UNC5C: variants seen among roughly 807,000 people sequenced by gnomAD.
The protein encoded by UNC5C is netrin receptor UNC5C.
In UNC5C, 47 loss-of-function variants were observed where a neutral mutation model predicts 99.8. The observed-to-expected ratio is 0.47, with a 90% CI of 0.37 to 0.60. The LOEUF (loss-of-function observed/expected upper bound fraction) is 0.60. Ranked by LOEUF, UNC5C falls within the 20% of genes least tolerant of loss-of-function variation. UNC5C has a pLI of 0.00. For synonymous variants in UNC5C, 487 were observed against 452.2 expected, an observed-to-expected ratio of 1.08 and a Z score of -0.98; for missense variants, 1,062 against 1,165.9, an observed-to-expected ratio of 0.91 and a Z score of 1.30.
chr4:95,414,428 T>C (rs537961394), intron 1 of UNC5C, among the ~76,000 whole-genome samples: 1 of 152,358 alleles, frequency 6.6e-6, no homozygotes, highest in East Asian at 1.9e-4. Context: ...CGGGTGGCTT[T>C]CCTGTGAAGC....
chr4:95,468,939 G>A (rs1747882234), intron 1 of UNC5C, among the ~76,000 whole-genome samples: 1 of 152,144 alleles, frequency 6.6e-6, no homozygotes, highest in South Asian at 2.1e-4. Context: ...TTCACAAAAG[G>A]GGTTCTCTTT....
At chr4:95,336,642 A>G (rs1743360484) in intron 1 of UNC5C, among the ~76,000 whole-genome samples, 1 of 151,854 alleles carries the variant, frequency 6.6e-6, no homozygotes, top group Non-Finnish European at 1.5e-5. Context: ...CTGGCTTGGA[A>G]CTTTTTTCAT....
At chr4:95,240,756 A>G (rs540528412) in intron 7 of UNC5C, among the ~76,000 whole-genome samples, 2 of 152,350 alleles carry the variant, frequency 1.3e-5, no homozygotes, top group African/African-American at 4.8e-5. Flanking sequence ...AAAAAATTCT[A>G]TGAATGCCTA....
At chr4:95,327,987 A>G (rs1742955539) in intron 2 of UNC5C, among the ~76,000 whole-genome samples, 1 of 146,650 alleles carries the variant, frequency 6.8e-6, no homozygotes, top group African/African-American at 2.5e-5. Context: ...CTAAAATAGC[A>G]TTGTTTATAA....
rs1226469728 is a variant in UNC5C, at chr4:95,168,932, G to A, written c.*302C>T. ...ATATATCTGGATAGCAATAAAAAGC[G>A]TTTCCTAGGAAACTGTAAGATCCTG... On this transcript the variant is annotated 3_prime_UTR_variant, in exon 16 of 16. Coordinates refer to ENST00000453304, the MANE Select transcript of UNC5C (RefSeq NM_003728.4). The A allele has an allele frequency of 1.9e-5, 5 of 264,790 alleles. No individual in the cohort carries two copies. Among genetic ancestry groups the A allele is most frequent in the Admixed American group, 4.8e-5 (1 of 20,660 alleles). 16.4% of individuals were successfully genotyped at this position (264,790 alleles called of 1,614,324 possible).
At chr4:95,399,599 G>A (rs961860228) in intron 1 of UNC5C, among the ~76,000 whole-genome samples, 4 of 152,044 alleles carry the variant, frequency 2.6e-5, no homozygotes, top group Admixed American at 6.6e-5. Context: ...CATTTTCTCC[G>A]AAAGACCTAA....
chr4:95,432,605 G>A (rs1429800088), intron 1 of UNC5C, among the ~76,000 whole-genome samples: 1 of 152,046 alleles, frequency 6.6e-6, no homozygotes, highest in African/African-American at 2.4e-5. Flanking sequence ...ATTCACAGTG[G>A]TTGGTCAGAA....
At chr4:95,328,740 T>A (rs1201696870) in intron 2 of UNC5C, among the ~76,000 whole-genome samples, 1 of 151,720 alleles carries the variant, frequency 6.6e-6, no homozygotes, top group African/African-American at 2.4e-5. Context: ...GTTTCCTGAC[T>A]TTTTAATGAT....
chr4:95,335,612 T>C lies in UNC5C; in HGVS notation c.144A>G (p.Glu48=). The C allele has an allele frequency of 6.2e-7, 1 of 1,605,670 alleles. No homozygotes were observed. The highest frequency in any genetic ancestry group is 8.5e-7 in the Non-Finnish European group (1 of 1,176,776). The change falls in exon 2 of 16, where the codon GAA becomes GAG. Residue 48 remains glutamate (E), a synonymous_variant. Transcript: ENST00000453304. ...SAAQDDDFFH[E]LPETFPSDPP... ...GATCAGAAGGAAAAGTTTCTGGGAG[T>C]TCATGAAAAAAGTCATCATCTGAGA...
At chr4:95,530,299 G>A (rs563003038) in intron 1 of UNC5C, among the ~76,000 whole-genome samples, 75 of 152,240 alleles carry the variant, frequency 4.9e-4, no homozygotes, top group Non-Finnish European at 9.4e-4. Flanking sequence ...AGGAAAATAA[G>A]TATTTCCAAA....
In UNC5C at chr4:95,236,784, G is replaced by A. The variant is rs376401615; in HGVS notation, c.1108+5645C>T. Among the ~76,000 whole-genome samples, 64 of 152,000 alleles carry A rather than the reference G, an allele frequency of 4.2e-4. No homozygotes were observed. The South Asian group carries it at 0.011, about 27-fold the overall frequency. ...GTTAAAACCTCATAAATATTTTAGC[G>A]GACATCATAAATGATGTTCCATTTA... On this transcript the variant is annotated intron_variant, in intron 7 of 15. Coordinates refer to ENST00000453304, the MANE Select transcript of UNC5C (RefSeq NM_003728.4).
At chr4:95,493,583 AAC>A (rs1004844510) in intron 1 of UNC5C, among the ~76,000 whole-genome samples, 1 of 151,404 alleles carries the variant, frequency 6.6e-6, no homozygotes, top group African/African-American at 2.4e-5. Context: ...GGTACTACAA[AAC>A]ACACACTAAG....
intron 1 of UNC5C, among the ~76,000 whole-genome samples, chr4:95,546,687 C>T (rs569314657): frequency 6.6e-6 from 1 of 152,302 alleles, no homozygotes; most frequent in South Asian, 2.1e-4. Context: ...CTTGCCTACG[C>T]TACAAAAAGT....
At chr4:95,321,868 T>C (rs752787466) in intron 2 of UNC5C, among the ~76,000 whole-genome samples, 75 of 152,190 alleles carry the variant, frequency 4.9e-4, no homozygotes, top group Non-Finnish European at 8.4e-4. Context: ...ATGTACTACA[T>C]GGGTCCTTAT....
chr4:95,191,875 A>AG, intron 12 of UNC5C, among the ~76,000 whole-genome samples: 1 of 26,630 alleles, frequency 3.8e-5, no homozygotes, highest in Non-Finnish European at 7.4e-5. Flanking sequence ...CCTCCTCCCC[A>AG]CTCACCCTCC....
chr4:95,206,257 C>T (rs1477253023), intron 11 of UNC5C, among the ~76,000 whole-genome samples: 1 of 151,614 alleles, frequency 6.6e-6, no homozygotes, highest in Non-Finnish European at 1.5e-5. Flanking sequence ...CATTGGCCTC[C>T]CAAAGTGCTG....
intron 1 of UNC5C, among the ~76,000 whole-genome samples, chr4:95,433,882 C>T (rs2149461131): frequency 6.6e-6 from 1 of 152,152 alleles, no homozygotes; most frequent in Non-Finnish European, 1.5e-5. Context: ...CTCTCTTTTT[C>T]TCACACAGCT....
intron 1 of UNC5C, among the ~76,000 whole-genome samples, chr4:95,509,275 A>T (rs1162417941): frequency 6.6e-6 from 1 of 151,784 alleles, no homozygotes; most frequent in Admixed American, 6.6e-5. Flanking sequence ...TATTAATGTT[A>T]TATCTGATGA....
chr4:95,296,021 C>T (rs1172279541), intron 3 of UNC5C, among the ~76,000 whole-genome samples: 1 of 152,170 alleles, frequency 6.6e-6, no homozygotes, highest in Admixed American at 6.5e-5. Context: ...ACCCAGGAGA[C>T]AGGTTGCAAT....
Sources: allele counts gnomAD v4.1 joint callset (sites outside exome capture counted in the v4.1 genomes callset), GRCh38; gene constraint gnomAD v4.1.1; transcripts MANE v1.5; gene names NCBI Gene and HGNC (gene_info 2026-07-23, HGNC 2026-07-21).